Variants in SAMD5 observed in about 807,000 individuals in gnomAD.
SAMD5 encodes sterile alpha motif domain-containing protein 5.
Under a neutral mutation model 11.3 loss-of-function variants are expected in SAMD5, and 13 were observed. The ratio of observed to expected loss-of-function variants is 1.15; its 90% CI spans 0.75 to 1.83. SAMD5 has a LOEUF of 1.83. Among genes scored for constraint, SAMD5 ranks in the 40% most tolerant of loss-of-function variants. The pLI is 0.00. For synonymous variants in SAMD5, 129 were observed against 111.3 expected (o/e 1.16, Z -1.00); for missense variants, 255 against 239.1 (o/e 1.07, Z -0.44).
Position 147,534,840 on chromosome 6 carries a change from G to A in SAMD5, c.459+25453G>A, listed in dbSNP as rs1266925065. Among the ~76,000 whole-genome samples, 9 of 152,232 alleles carry A rather than the reference G, an allele frequency of 5.9e-5. No homozygotes were observed. In the East Asian group the frequency reaches 7.7e-4, roughly 13 times the overall value. On this transcript the variant is annotated intron_variant, in intron 1 of 1. Transcript: ENST00000367474. ...AAACCATAATTTTTAATTTTGTGGC[G>A]GATGTTAGTCCTACAAAAGCAATCT...
the SAMD5 span, among the ~76,000 whole-genome samples, chr6:147,800,226 G>A: frequency 6.6e-6 from 1 of 152,060 alleles, no homozygotes; most frequent in Non-Finnish European, 1.5e-5. Flanking sequence ...TTTGATGATG[G>A]TGATGTACAG....
intron 1 of SAMD5, among the ~76,000 whole-genome samples, chr6:147,694,902 G>A (rs1338760085): frequency 3.3e-5 from 5 of 152,160 alleles, no homozygotes; most frequent in South Asian, 2.1e-4. Flanking sequence ...TCAATAAGCA[G>A]TCAATAAAAG....
the SAMD5 span, among the ~76,000 whole-genome samples, chr6:147,824,041 G>C: frequency 6.6e-6 from 1 of 152,204 alleles, no homozygotes; most frequent in Non-Finnish European, 1.5e-5. Flanking sequence ...CAGCAAAGCA[G>C]AGATGGAGGA....
At chr6:147,909,610 TTCTTTCTTTCTTTCTTTCTTTC>T in the SAMD5 span, among the ~76,000 whole-genome samples, 4,604 of 59,734 alleles carry the variant, frequency 0.077, 859 homozygotes, top group African/African-American at 0.24. Context: ...CTTTCTTTCT[TTCTTTCTTTCTTTCTTTCTTTC>T]TCTTTCTTGT....
chr6:147,944,122 C>T, the SAMD5 span, among the ~76,000 whole-genome samples: 1 of 152,138 alleles, frequency 6.6e-6, no homozygotes, highest in African/African-American at 2.4e-5. Context: ...TTTTCCCTCC[C>T]CCTCTCTCAC....
the SAMD5 span, among the ~76,000 whole-genome samples, chr6:147,948,535 AG>A: frequency 6.6e-6 from 1 of 152,170 alleles, no homozygotes; most frequent in Admixed American, 6.5e-5. Context: ...GTTCTTTAAA[AG>A]CATTGAATTT....
At chr6:147,792,515 A>T in the SAMD5 span, among the ~76,000 whole-genome samples, 1 of 152,216 alleles carries the variant, frequency 6.6e-6, no homozygotes, top group Non-Finnish European at 1.5e-5. Flanking sequence ...GTGTGCATAT[A>T]CAGATTCATA....
At chr6:147,653,177 C>T (rs901675525) in intron 1 of SAMD5, among the ~76,000 whole-genome samples, 19 of 152,154 alleles carry the variant, frequency 1.2e-4, no homozygotes, top group East Asian at 9.7e-4. Context: ...TAGAAATGTA[C>T]CAAATTTTGA....
At position 147,568,977 on chromosome 6, in the gene SAMD5, A is replaced by T. The variant is rs922270185; in HGVS notation, c.*4521A>T. The T allele has an allele frequency of 1.3e-6, 1 of 758,076 alleles. No individual in the cohort carries two copies. The highest frequency in any genetic ancestry group is 1.9e-5 in the African/African-American group (1 of 52,760). The allele number at this position is 758,076 out of a possible 1,614,324, so 47.0% of individuals were successfully genotyped here. A position where few individuals can be genotyped will look rare whatever the true frequency, so the allele number is the denominator to read the frequency against. The stretch of plus-strand genomic sequence containing the variant: ...CACGGTGGCTCACGCCTGTAATCCC[A>T]GCACTTTGGGAGGCCGGGGTGGGCA... On this transcript the variant is annotated 3_prime_UTR_variant, in exon 2 of 2. Transcript: ENST00000367474.
intron 1 of SAMD5, among the ~76,000 whole-genome samples, chr6:147,625,107 G>A (rs1227770130): frequency 1.3e-5 from 2 of 152,110 alleles, no homozygotes; most frequent in East Asian, 1.9e-4. Context: ...CGATTGGTGT[G>A]GTTTGTATGT....
At chr6:147,945,157 C>T in the SAMD5 span, among the ~76,000 whole-genome samples, 1 of 152,128 alleles carries the variant, frequency 6.6e-6, no homozygotes, top group Non-Finnish European at 1.5e-5. Context: ...CTGAACTTTC[C>T]CACCTCTTTG....
intron 1 of SAMD5, among the ~76,000 whole-genome samples, chr6:147,726,883 C>A (rs1002295803): frequency 3.3e-5 from 5 of 152,212 alleles, no homozygotes; most frequent in African/African-American, 1.2e-4. Flanking sequence ...AATTAATTTT[C>A]AGATCTGCCT....
At chr6:147,644,317 G>A (rs1790364382) in intron 1 of SAMD5, among the ~76,000 whole-genome samples, 1 of 152,182 alleles carries the variant, frequency 6.6e-6, no homozygotes, top group African/African-American at 2.4e-5. Flanking sequence ...AGAGTTGGGA[G>A]TGGACCTGGG....
intron 1 of SAMD5, 50 bp downstream of exon 1, chr6:147,509,437 C>G (rs1321871176): frequency 2.1e-5 from 31 of 1,470,364 alleles, no homozygotes; most frequent in Middle Eastern, 3.9e-4. Flanking sequence ...GGAGGGGACA[C>G]AGCCCAGCTG....
At chr6:147,949,640 C>T in the SAMD5 span, among the ~76,000 whole-genome samples, 1 of 152,226 alleles carries the variant, frequency 6.6e-6, no homozygotes, top group East Asian at 1.9e-4. Flanking sequence ...CGTTATTTTT[C>T]TTATTAAAAA....
the SAMD5 span, among the ~76,000 whole-genome samples, chr6:147,896,665 T>C: frequency 6.6e-6 from 1 of 150,452 alleles, no homozygotes; most frequent in African/African-American, 2.5e-5. Flanking sequence ...TAGTAAAAAT[T>C]CTTCAAGTGG....
the SAMD5 span, among the ~76,000 whole-genome samples, chr6:147,787,222 C>G: frequency 1.3e-5 from 2 of 151,982 alleles, 1 homozygote; most frequent in South Asian, 4.2e-4. Flanking sequence ...TTCCAATTGC[C>G]CATGGAAATG....
intron 1 of SAMD5, among the ~76,000 whole-genome samples, chr6:147,537,139 T>G (rs532866547): frequency 5.3e-4 from 80 of 152,304 alleles, no homozygotes; most frequent in Non-Finnish European, 7.5e-4. Flanking sequence ...ATTAGAATTA[T>G]AGCAGTTTTA....
At chr6:147,830,804 A>T in the SAMD5 span, among the ~76,000 whole-genome samples, 1 of 152,308 alleles carries the variant, frequency 6.6e-6, no homozygotes, top group East Asian at 1.9e-4. Flanking sequence ...TCTGTAATGA[A>T]TTTTGTCAGG....
Sources: gnomAD v4.1 joint callset for allele counts (sites outside exome capture counted in the v4.1 genomes callset) on GRCh38, gnomAD v4.1.1 for gene constraint, MANE v1.5 for transcripts, NCBI Gene and HGNC (gene_info 2026-07-23, HGNC 2026-07-21) for gene names.